The following RBFOX1 variants were observed in gnomAD, a reference collection of about 807,000 sequenced individuals.
RBFOX1 encodes the protein RNA binding protein fox-1 homolog 1.
A neutral mutation model predicts 57.7 loss-of-function variants in RBFOX1; 8 were observed. The ratio of observed to expected loss-of-function variants is 0.14; its 90% CI spans 0.08 to 0.25. RBFOX1 has a LOEUF of 0.25. Among genes scored for constraint, RBFOX1 ranks in the 10% least tolerant of loss-of-function variants. The probability of loss-of-function intolerance (pLI) is 1.00; values close to 1 mark genes in which losing one functional copy is unlikely to be tolerated. For missense variants in RBFOX1, 611 were observed against 548.5 expected (o/e 1.11, Z -1.14); for synonymous variants, 326 against 222.4 (o/e 1.47, Z -4.15).
chr16:5,376,423 T>G (rs1212110423), intron 1 of RBFOX1, among the ~76,000 whole-genome samples: 2 of 151,510 alleles, frequency 1.3e-5, no homozygotes, highest in Admixed American at 1.3e-4. Context: ...CAGAGAAAGG[T>G]GTATAGGGGA....
chr16:7,018,457 A>G (rs943582436), intron 3 of RBFOX1, among the ~76,000 whole-genome samples: 4 of 152,146 alleles, frequency 2.6e-5, no homozygotes, highest in Non-Finnish European at 4.4e-5. Flanking sequence ...TTGAAATACA[A>G]CGTCTAATCC....
intron 3 of RBFOX1, among the ~76,000 whole-genome samples, chr16:6,935,262 C>T (rs868391273): frequency 2.0e-5 from 3 of 152,100 alleles, no homozygotes; most frequent in African/African-American, 7.2e-5. Flanking sequence ...AGTGTGGTTC[C>T]TGGCATGTAG....
intron 2 of RBFOX1, among the ~76,000 whole-genome samples, chr16:6,423,057 C>T (rs1037509307): frequency 9.2e-5 from 14 of 152,126 alleles, no homozygotes; most frequent in Admixed American, 2.6e-4. Flanking sequence ...TCCAGGCCAC[C>T]GCTGATGGGC....
At chr16:7,094,354 T>A (rs543591162) in intron 4 of RBFOX1, among the ~76,000 whole-genome samples, 1 of 152,040 alleles carries the variant, frequency 6.6e-6, no homozygotes, top group Non-Finnish European at 1.5e-5. Flanking sequence ...TAGAGAGAGC[T>A]TTGCCCATTG....
chr16:5,598,601 A>T (rs2047264608), intron 2 of RBFOX1, among the ~76,000 whole-genome samples: 1 of 152,184 alleles, frequency 6.6e-6, no homozygotes, highest in African/African-American at 2.4e-5. Flanking sequence ...TATTAATATT[A>T]ATGAGGTGTT....
At chr16:7,531,660 G>A (rs1267599181) in intron 5 of RBFOX1, among the ~76,000 whole-genome samples, 3 of 152,152 alleles carry the variant, frequency 2.0e-5, no homozygotes, top group Non-Finnish European at 2.9e-5. Flanking sequence ...CACGATTACG[G>A]ATGAGGGAAC....
intron 3 of RBFOX1, among the ~76,000 whole-genome samples, chr16:5,782,653 A>C (rs79448029): frequency 0.023 from 3,472 of 152,246 alleles, 117 homozygotes; most frequent in African/African-American, 0.079. Context: ...AATGTGTGAG[A>C]GTGTGGGTAT....
intron 13 of RBFOX1, among the ~76,000 whole-genome samples, chr16:7,671,255 G>A (rs2071336942): frequency 6.6e-6 from 1 of 152,206 alleles, no homozygotes; most frequent in Non-Finnish European, 1.5e-5. Context: ...GTTGGAATAT[G>A]CTTTAAGAGG....
chr16:5,639,117 G>A (rs547500014), intron 3 of RBFOX1, among the ~76,000 whole-genome samples: 2 of 152,294 alleles, frequency 1.3e-5, no homozygotes, highest in South Asian at 2.1e-4. Context: ...CTAGAGACTA[G>A]GTTCTTTTGC....
intron 2 of RBFOX1, among the ~76,000 whole-genome samples, chr16:6,364,646 G>C (rs1433946852): frequency 6.6e-6 from 1 of 152,174 alleles, no homozygotes; most frequent in East Asian, 1.9e-4. Context: ...GGTCCATCTA[G>C]TTCTTTAGTT....
intron 3 of RBFOX1, among the ~76,000 whole-genome samples, chr16:6,841,525 C>T (rs564798658): frequency 7.2e-5 from 11 of 152,128 alleles, no homozygotes; most frequent in Non-Finnish European, 1.2e-4. Flanking sequence ...TCTGAACAAC[C>T]TAACCTCACG....
At chr16:6,098,610 G>T (rs2096271376) in intron 1 of RBFOX1, among the ~76,000 whole-genome samples, 1 of 152,218 alleles carries the variant, frequency 6.6e-6, no homozygotes, top group African/African-American at 2.4e-5. Flanking sequence ...CTGCTGCCAA[G>T]GGCCATGCAC....
chr16:7,293,511 C>A (rs2095834764), intron 4 of RBFOX1, among the ~76,000 whole-genome samples: 1 of 152,132 alleles, frequency 6.6e-6, no homozygotes, highest in Non-Finnish European at 1.5e-5. Context: ...GGGTGTATTG[C>A]AGAATGGGCT....
chr16:6,015,999 T>C (rs1212313359), upstream of RBFOX1, among the ~76,000 whole-genome samples: 2 of 152,230 alleles, frequency 1.3e-5, no homozygotes. Flanking sequence ...CATAAATGGA[T>C]GAGCAGGTTG....
At chr16:6,760,182 C>G (rs1250488678) in intron 3 of RBFOX1, among the ~76,000 whole-genome samples, 2 of 152,118 alleles carry the variant, frequency 1.3e-5, no homozygotes, top group African/African-American at 2.4e-5. Context: ...CTATGTTTGA[C>G]TCCTTGGATA....
At chr16:5,781,640 C>T (rs1005379220) in intron 3 of RBFOX1, among the ~76,000 whole-genome samples, 2 of 152,212 alleles carry the variant, frequency 1.3e-5, no homozygotes, top group Non-Finnish European at 2.9e-5. Context: ...GACGTGTACA[C>T]AAATGGATGT....
chr16:6,421,845 C>T (rs9929362), intron 2 of RBFOX1, among the ~76,000 whole-genome samples: 1 of 148,842 alleles, frequency 6.7e-6, no homozygotes, highest in Non-Finnish European at 1.5e-5. Context: ...GACCTCCCCC[C>T]TCCTCAGTCA....
At chr16:6,798,875 A>T (rs2084710924) in intron 3 of RBFOX1, among the ~76,000 whole-genome samples, 1 of 151,720 alleles carries the variant, frequency 6.6e-6, no homozygotes, top group Admixed American at 6.6e-5. Flanking sequence ...TGAACTGATG[A>T]CTCTTCCTTT....
intron 3 of RBFOX1, among the ~76,000 whole-genome samples, chr16:6,756,797 C>G (rs1197346533): frequency 1.3e-5 from 2 of 152,026 alleles, no homozygotes; most frequent in African/African-American, 4.8e-5. Context: ...CATGGTGAAA[C>G]TCCATCTCTA....
Sources: allele counts gnomAD v4.1 joint callset (sites outside exome capture counted in the v4.1 genomes callset), GRCh38; gene constraint gnomAD v4.1.1; transcripts MANE v1.5; gene names NCBI Gene and HGNC (gene_info 2026-07-23, HGNC 2026-07-21).